The following PIKFYVE variants were observed in gnomAD, a reference collection of about 807,000 sequenced individuals.
PIKFYVE encodes the protein phosphoinositide kinase, FYVE-type zinc finger containing, also known as 1-phosphatidylinositol 3-phosphate 5-kinase.
A neutral mutation model predicts 257.9 loss-of-function variants in PIKFYVE; 122 were observed. That is an observed-to-expected ratio of 0.47 (90% confidence interval 0.41 to 0.55). The LOEUF is 0.55. Among genes scored for constraint, PIKFYVE ranks in the 20% least tolerant of loss-of-function variants. The probability of loss-of-function intolerance (pLI) is 0.00; values close to 1 mark genes in which losing one functional copy is unlikely to be tolerated. For missense variants in PIKFYVE, 2,160 were observed against 2,536.6 expected, an observed-to-expected ratio of 0.85 and a Z score of 3.19; for synonymous variants, 892 against 868.9, an observed-to-expected ratio of 1.03 and a Z score of -0.47.
chr2:208,333,239 A>T, intron 23 of PIKFYVE, 76 bp from the exon 24 acceptor site: 1 of 1,518,166 alleles, frequency 6.6e-7, no homozygotes, highest in Non-Finnish European at 9.0e-7. Flanking sequence ...ATCTCAAAAA[A>T]AAAAAAGAAA....
chr2:208,287,425 C>T (rs146781111), intron 6 of PIKFYVE, among the ~76,000 whole-genome samples: 13 of 152,012 alleles, frequency 8.6e-5, no homozygotes, highest in African/African-American at 3.1e-4. Flanking sequence ...AGGTGCCCAC[C>T]ACCATGCCTG....
At chr2:208,308,044 G>C (rs1422305908) in intron 12 of PIKFYVE, among the ~76,000 whole-genome samples, 1 of 152,150 alleles carries the variant, frequency 6.6e-6, no homozygotes, top group Non-Finnish European at 1.5e-5. Context: ...AAGGAATAAG[G>C]ATTTGAAATG....
rs371387203 is a variant in PIKFYVE at position 208,302,119 on chromosome 2, G to A, written c.1209-123G>A. On this transcript the variant is annotated intron_variant, in intron 9 of 41. Coordinates refer to ENST00000264380, the MANE Select transcript of PIKFYVE (RefSeq NM_015040.4). Reference sequence around the variant, plus strand: ...TCGTTTCGTCCTTTACTTATCCAAGGGCCATTTGAAATTCTAACTCTGATT... The same window carrying A: ...TCGTTTCGTCCTTTACTTATCCAAGAGCCATTTGAAATTCTAACTCTGATT... The A allele has an allele frequency of 2.8e-3, 2,239 of 786,758 alleles. 56 individuals carry two copies. In the South Asian group the frequency reaches 0.032, roughly 11 times the overall value. 48.7% of individuals were successfully genotyped at this position (786,758 alleles called of 1,614,324 possible).
At chr2:208,351,514 ATCTT>A (rs1346785145) in intron 38 of PIKFYVE, 59 bp downstream of exon 38, 7 of 1,297,742 alleles carry the variant, frequency 5.4e-6, no homozygotes, top group Non-Finnish European at 7.8e-6. Context: ...CACATCCTGA[ATCTT>A]TCTGTTAGTC....
At chr2:208,329,152 G>C (rs2125616955) in intron 21 of PIKFYVE, among the ~76,000 whole-genome samples, 1 of 152,196 alleles carries the variant, frequency 6.6e-6, no homozygotes, top group African/African-American at 2.4e-5. Context: ...TTCACCTTTA[G>C]TTTTAAAAGT....
At chr2:208,316,184 G>A (rs953626027) in intron 15 of PIKFYVE, among the ~76,000 whole-genome samples, 10 of 151,852 alleles carry the variant, frequency 6.6e-5, no homozygotes, top group Non-Finnish European at 1.2e-4. Context: ...TTTCATCCAC[G>A]TCCCTACAAA....
rs534874023 is a variant in PIKFYVE, at chr2:208,266,626, C to A, written c.-10+211C>A. Among the ~76,000 whole-genome samples the A allele has an allele frequency of 5.3e-5, 8 of 152,310 alleles. No individual in the cohort carries two copies. In the South Asian group the frequency reaches 1.7e-3, roughly 32 times the overall value. ...CCTATTCCCCGGCTGCCTTGTCTGG[C>A]GAGTGGGGACGGAAGCCGGGTGGGG... On this transcript the variant is annotated intron_variant, in intron 1 of 41. Transcript: ENST00000264380.
At chr2:208,274,421 T>A (rs1264114104) in intron 3 of PIKFYVE, among the ~76,000 whole-genome samples, 1 of 152,068 alleles carries the variant, frequency 6.6e-6, no homozygotes, top group Non-Finnish European at 1.5e-5. Flanking sequence ...ACAAAGGAAG[T>A]GGGAGGTGGC....
At chr2:208,328,111 T>C in intron 20 of PIKFYVE, 69 bp from the exon 21 acceptor site, 1 of 1,609,526 alleles carries the variant, frequency 6.2e-7, no homozygotes, top group South Asian at 1.1e-5. Flanking sequence ...TAGAGTGGAG[T>C]GTGTTTGGTG....
At chr2:208,279,967 TAC>T (rs1559396314) in intron 5 of PIKFYVE, among the ~76,000 whole-genome samples, 1 of 152,210 alleles carries the variant, frequency 6.6e-6, no homozygotes, top group Non-Finnish European at 1.5e-5. Flanking sequence ...AATCTAAGGC[TAC>T]AGTGACAAGA....
At chr2:208,352,496 C>T (rs1699864206) in intron 38 of PIKFYVE, among the ~76,000 whole-genome samples, 158 bp from the exon 39 acceptor site, 1 of 152,126 alleles carries the variant, frequency 6.6e-6, no homozygotes. Context: ...TGCTGCTGTA[C>T]TCACTTCTGA....
chr2:208,344,643 C>T (rs2125754988), intron 32 of PIKFYVE, among the ~76,000 whole-genome samples: 1 of 151,472 alleles, frequency 6.6e-6, no homozygotes, highest in African/African-American at 2.4e-5. Context: ...TTATCTAAAG[C>T]AGGGTTCCTA....
chr2:208,358,398 TG>T lies in PIKFYVE; in HGVS notation c.*3094del, dbSNP rs1164329415. ...CCATCTAGTGCAATGTTTTTGTTTT[TG>T]TTTTTTTTTTGGTAACACAGGTGCA... On this transcript the variant is annotated 3_prime_UTR_variant, in exon 42 of 42. Transcript: ENST00000264380. 5.2e-4 allele frequency: 11 copies of T among 20,988 alleles called. No individual in the cohort carries two copies. The highest frequency in any genetic ancestry group is 2.1e-3 in the Admixed American group (2 of 970). 1.3% of individuals were successfully genotyped at this position (20,988 alleles called of 1,614,324 possible).
At chr2:208,304,781 C>A in intron 11 of PIKFYVE, 65 bp from the exon 12 acceptor site, 1 of 1,510,858 alleles carries the variant, frequency 6.6e-7, no homozygotes, top group Non-Finnish European at 9.2e-7. Context: ...CTCCAATACC[C>A]TGATAAAACC....
Position 208,301,089 on chromosome 2 carries a change from C to G in PIKFYVE, c.1203C>G (p.Ala401=). The part of the protein sequence containing the change: ...VNWLIRNGHI[A]TRAQAIAIGQ... The stretch of plus-strand genomic sequence containing the variant: ...GGCTAATCCGAAATGGGCATATTGC[C>G]ACAAGGTATTCTGATCTTAGAAGGT... Residue 401 remains alanine, a synonymous_variant, in exon 9 of 42, where the codon GCC becomes GCG. Coordinates refer to ENST00000264380, the MANE Select transcript of PIKFYVE (RefSeq NM_015040.4). 6.2e-7 allele frequency: 1 copy of G among 1,614,020 alleles called. No homozygotes were observed. The highest frequency in any genetic ancestry group is 1.1e-5 in the South Asian group (1 of 91,076).
intron 35 of PIKFYVE, among the ~76,000 whole-genome samples, chr2:208,348,599 AGT>A (rs35997291): frequency 0.011 from 1,458 of 128,944 alleles, 10 homozygotes; most frequent in South Asian, 0.032. Context: ...AAAAAAAAAA[AGT>A]GTGTGTGTGT....
chr2:208,348,905 G>A (rs1260513142), intron 35 of PIKFYVE, among the ~76,000 whole-genome samples: 1 of 150,888 alleles, frequency 6.6e-6, no homozygotes, highest in South Asian at 2.1e-4. Flanking sequence ...GCCCAGTATG[G>A]TAATCCCAGC....
Position 208,346,086 on chromosome 2 carries a change from C to T in PIKFYVE, c.5148C>T (p.Ile1716=). 6.2e-7 allele frequency: 1 copy of T among 1,613,188 alleles called. No individual in the cohort carries two copies. The highest frequency in any genetic ancestry group is 8.5e-7 in the Non-Finnish European group (1 of 1,179,524). Residue 1716 remains isoleucine, a synonymous_variant, in exon 34 of 42, where the codon ATC becomes ATT. Transcript: ENST00000264380. ...GCAGACCAAAGAGTAGCAGCCCTAT[C>T]AGATTACCTGAAATGAGTGGAGGAC... The part of the protein sequence containing the change: ...SDSRPKSSSP[I]RLPEMSGGQT...
intron 5 of PIKFYVE, among the ~76,000 whole-genome samples, chr2:208,282,346 T>C (rs1206960348): frequency 6.6e-6 from 1 of 152,208 alleles, no homozygotes. Context: ...TCTAAAGCCA[T>C]TCTTGGTACC....
Sources: gnomAD v4.1 joint callset for allele counts (sites outside exome capture counted in the v4.1 genomes callset) on GRCh38, gnomAD v4.1.1 for gene constraint, MANE v1.5 for transcripts, NCBI Gene and HGNC (gene_info 2026-07-23, HGNC 2026-07-21) for gene names.